ING4: variants seen among roughly 807,000 people sequenced by gnomAD.
The protein encoded by ING4 is inhibitor of growth protein 4.
ING4 carries 28 observed loss-of-function variants against 33.1 expected under a neutral mutation model. The ratio of observed to expected loss-of-function variants is 0.85; its 90% CI spans 0.63 to 1.16. The LOEUF is 1.16. Ranked by LOEUF, ING4 falls within the 50% of genes most tolerant of loss-of-function variation. The probability of loss-of-function intolerance (pLI) is 0.00; values close to 1 mark genes in which losing one functional copy is unlikely to be tolerated. For missense variants in ING4, 247 were observed against 314.7 expected (o/e 0.78, Z 1.63); for synonymous variants, 87 against 104.4 (o/e 0.83, Z 1.02).
intron 2 of ING4, among the ~76,000 whole-genome samples, chr12:6,654,723 C>T (rs1033695199): frequency 6.6e-5 from 10 of 152,002 alleles, no homozygotes; most frequent in African/African-American, 2.4e-4. Context: ...GATATTGCTC[C>T]AAACACGTTT....
chr12:6,652,177 G>A (rs749696771), intron 6 of ING4, 94 bp downstream of exon 6: 12 of 1,401,342 alleles, frequency 8.6e-6, no homozygotes, highest in Non-Finnish European at 1.2e-5. Context: ...CTTCTATTCT[G>A]AAGTCCCAGT....
At position 6,650,929 on chromosome 12, in the gene ING4, G is replaced by A. The variant is rs1949159818; in HGVS notation, c.*266C>T. The A allele has an allele frequency of 1.8e-6, 1 of 552,130 alleles. No individual in the cohort carries two copies. The highest frequency in any genetic ancestry group is 3.0e-5 in the East Asian group (1 of 33,170). 34.2% of individuals were successfully genotyped at this position (552,130 alleles called of 1,614,324 possible). A position where few individuals can be genotyped will look rare whatever the true frequency, so the allele number is the denominator to read the frequency against. On this transcript the variant is annotated 3_prime_UTR_variant, in exon 8 of 8. Coordinates refer to ENST00000341550, the MANE Select transcript of ING4 (RefSeq NM_016162.4). ...GAAATACAGCACCGACCTCAGCATGGAGGCAAAAGGACAGTGGGCAAGACC... is the reference window on the plus strand; with the variant it reads ...GAAATACAGCACCGACCTCAGCATGAAGGCAAAAGGACAGTGGGCAAGACC...
intron 1 of ING4, among the ~76,000 whole-genome samples, chr12:6,659,735 T>A (rs901986702): frequency 6.7e-6 from 1 of 148,622 alleles, no homozygotes; most frequent in Non-Finnish European, 1.5e-5. Context: ...GTGGCGTGCA[T>A]CCAGGAGGTG....
At chr12:6,653,451 AC>A in intron 2 of ING4, 55 bp from the exon 3 acceptor site, 1 of 1,522,118 alleles carries the variant, frequency 6.6e-7, no homozygotes, top group Non-Finnish European at 8.9e-7. Context: ...TAGGTGAAAC[AC>A]ATTTCTTCCT....
chr12:6,659,925 G>C (rs536729217), intron 1 of ING4, among the ~76,000 whole-genome samples: 1 of 151,802 alleles, frequency 6.6e-6, no homozygotes, highest in Non-Finnish European at 1.5e-5. Context: ...GTTGCAGCCC[G>C]GGCAAAAGAG....
In ING4 at chr12:6,651,237, G is replaced by A; in HGVS notation, c.708-3C>T. On this transcript the variant is annotated splice_region_variant and splice_polypyrimidine_tract_variant and intron_variant, in intron 7 of 7. Coordinates refer to ENST00000341550, the MANE Select transcript of ING4 (RefSeq NM_016162.4). The stretch of plus-strand genomic sequence containing the variant: ...CTTGGGAGCAGCGTGGGCAAAACCT[G>A]AAACAGAGAAGGGGAGAGAAAAGTG... The A allele has an allele frequency of 1.2e-6, 2 of 1,614,170 alleles. No homozygotes were observed. Among genetic ancestry groups the A allele is most frequent in the Non-Finnish European group, 1.7e-6 (2 of 1,180,016 alleles).
chr12:6,651,077 GAC>G lies in ING4; in HGVS notation c.*116_*117del. ...GTGGGGAGAGGGGAGGAGAAGGGAT[GAC>G]AGCACTGTGCCATCCACTCCTCCCT... On this transcript the variant is annotated 3_prime_UTR_variant, in exon 8 of 8. Transcript: ENST00000341550. The G allele has an allele frequency of 8.8e-7, 1 of 1,132,538 alleles. No individual in the cohort carries two copies. The highest frequency in any genetic ancestry group is 1.3e-6 in the Non-Finnish European group (1 of 760,104). The allele number at this position is 1,132,538 out of a possible 1,614,324, so 70.2% of individuals were successfully genotyped here. A position where few individuals can be genotyped will look rare whatever the true frequency, so the allele number is the denominator to read the frequency against.
At chr12:6,651,512 A>G (rs965071539) in intron 6 of ING4, 127 bp from the exon 7 acceptor site, 8 of 742,672 alleles carry the variant, frequency 1.1e-5, no homozygotes, top group Non-Finnish European at 1.8e-5. Flanking sequence ...TGGAAGTCCC[A>G]AGGCCAACCA....
rs1177555770 is a variant in ING4, at chr12:6,650,304, A to G, written c.*891T>C. On this transcript the variant is annotated 3_prime_UTR_variant, in exon 8 of 8. Transcript: ENST00000341550. ...GTATAGTATAGCAGTACGTATGTAT[A>G]GCACAAATACATCATTTATTGGAAA... 1 of 152,188 alleles carries G rather than the reference A, an allele frequency of 6.6e-6. No individual in the cohort carries two copies. The highest frequency in any genetic ancestry group is 2.4e-5 in the African/African-American group (1 of 41,446). 9.4% of individuals were successfully genotyped at this position (152,188 alleles called of 1,614,324 possible). A position where few individuals can be genotyped will look rare whatever the true frequency, so the allele number is the denominator to read the frequency against.
At chr12:6,654,410 C>T (rs1233950836) in intron 2 of ING4, among the ~76,000 whole-genome samples, 3 of 151,472 alleles carry the variant, frequency 2.0e-5, no homozygotes, top group Non-Finnish European at 4.4e-5. Flanking sequence ...ATGGATCACA[C>T]TGCAGCCTCA....
intron 1 of ING4, among the ~76,000 whole-genome samples, chr12:6,662,607 G>A (rs1211652531): frequency 1.3e-5 from 2 of 152,096 alleles, no homozygotes; most frequent in African/African-American, 2.4e-5. Context: ...GAAGAGAAGC[G>A]TTCTAGTTCA....
At chr12:6,661,839 TC>T (rs2136286257) in intron 1 of ING4, among the ~76,000 whole-genome samples, 1 of 152,300 alleles carries the variant, frequency 6.6e-6, no homozygotes, top group African/African-American at 2.4e-5. Flanking sequence ...CTTCTGTAAC[TC>T]CCTAAAATCA....
chr12:6,652,609 G>A lies in ING4; in HGVS notation c.497+53C>T. 2.0e-6 allele frequency: 3 copies of A among 1,520,528 alleles called. No individual in the cohort carries two copies. The Admixed American group carries it at 5.1e-5, about 26-fold the overall frequency. The allele number at this position is 1,520,528 out of a possible 1,614,324, so 94.2% of individuals were successfully genotyped here. A position where few individuals can be genotyped will look rare whatever the true frequency, so the allele number is the denominator to read the frequency against. Reference sequence around the variant, plus strand: ...GGGGGCGGTGCAGGCTGGGAGTGGGGCACCGGGAGAGAAGAGGATGTCATC... The same window carrying A: ...GGGGGCGGTGCAGGCTGGGAGTGGGACACCGGGAGAGAAGAGGATGTCATC... On this transcript the variant is annotated intron_variant, in intron 5 of 7. Coordinates refer to ENST00000341550, the MANE Select transcript of ING4 (RefSeq NM_016162.4).
Position 6,656,713 on chromosome 12 carries a change from T to G in ING4, c.109+14A>C, listed in dbSNP as rs1949365360. 6.7e-7 allele frequency: 1 copy of G among 1,503,144 alleles called. No homozygotes were observed. The highest frequency in any genetic ancestry group is 1.4e-5 in the African/African-American group (1 of 70,058). 93.1% of individuals were successfully genotyped at this position (1,503,144 alleles called of 1,614,324 possible). On this transcript the variant is annotated intron_variant, in intron 2 of 7. Transcript: ENST00000341550. ...ACACTCATTAGATACAAAAACTTTT[T>G]ACTCTATACATACCCTCTGTTCTTT...
Position 6,653,334 on chromosome 12 carries a change from A to G in ING4, c.172T>C (p.Ser58Pro), listed in dbSNP as rs139185675. ...TTGAGAAGGGCCAATTTTTCCTCGGAGCTCAGGCTGCGGGCACTACTCATA... is the reference window on the plus strand; with the variant it reads ...TTGAGAAGGGCCAATTTTTCCTCGGGGCTCAGGCTGCGGGCACTACTCATA... ...EYMSSARSLSSEEKLALLKQI... is the reference protein window; with the variant it reads ...EYMSSARSLSPEEKLALLKQI... Residue 58 changes from serine to proline, a missense_variant, in exon 3 of 8, where the codon TCC becomes CCC. This residue lies in a region of ING4 where 198 missense variants were observed against 221.2 expected (regional missense o/e 0.89). Coordinates refer to ENST00000341550, the MANE Select transcript of ING4 (RefSeq NM_016162.4). The G allele has an allele frequency of 7.7e-5, 124 of 1,614,142 alleles. No homozygotes were observed. In the East Asian group the frequency reaches 2.7e-3, roughly 35 times the overall value.
At chr12:6,653,466 G>C in intron 2 of ING4, 70 bp from the exon 3 acceptor site, 1 of 1,448,402 alleles carries the variant, frequency 6.9e-7, no homozygotes, top group Non-Finnish European at 9.3e-7. Flanking sequence ...TCTTCCTTTT[G>C]TTCTTTGGAC....
chr12:6,653,535 G>C (rs771294127), intron 2 of ING4, 139 bp from the exon 3 acceptor site: 36 of 817,050 alleles, frequency 4.4e-5, no homozygotes, highest in Non-Finnish European at 6.4e-5. Context: ...CAGAGGTACT[G>C]TGCCATGCAC....
intron 1 of ING4, among the ~76,000 whole-genome samples, chr12:6,657,235 G>A (rs947747403): frequency 2.6e-5 from 4 of 152,052 alleles, no homozygotes; most frequent in African/African-American, 9.7e-5. Flanking sequence ...AGATCACGAG[G>A]TCAGGAGATT....
At position 6,651,988 on chromosome 12, in the gene ING4, T is replaced by C. The variant is rs1005095882; in HGVS notation, c.645+283A>G. On this transcript the variant is annotated intron_variant, in intron 6 of 7. Coordinates refer to ENST00000341550, the MANE Select transcript of ING4 (RefSeq NM_016162.4). ...CTGCCTCTCGCCTCAGCCTCCCGAG[T>C]AGCTGGGATGACAGTCGTGTGCCAC... 5.3e-5 allele frequency among the ~76,000 whole-genome samples: 8 copies of C among 151,218 alleles called. No homozygotes were observed. In the East Asian group the frequency reaches 1.4e-3, roughly 26 times the overall value.
Sources: allele counts gnomAD v4.1 joint callset (sites outside exome capture counted in the v4.1 genomes callset), GRCh38; gene constraint gnomAD v4.1.1; regional missense constraint gnomAD v4.1.1; transcripts MANE v1.5; gene names NCBI Gene and HGNC (gene_info 2026-07-23, HGNC 2026-07-21).